Variants in CSRNP3 observed in about 807,000 individuals in gnomAD.
The protein encoded by CSRNP3 is cysteine and serine rich nuclear protein 3.
In CSRNP3, 12 loss-of-function variants were observed where a neutral mutation model predicts 48.0. The observed-to-expected ratio is 0.25, with a 90% CI of 0.16 to 0.41. CSRNP3 has a LOEUF of 0.41. CSRNP3 is among the 10% of genes least tolerant of loss of function. CSRNP3 has a pLI of 1.00. For missense variants in CSRNP3, 580 were observed against 724.4 expected, an observed-to-expected ratio of 0.80 and a Z score of 2.29; for synonymous variants, 263 against 269.7, an observed-to-expected ratio of 0.98 and a Z score of 0.24.
At chr2:165,666,124 AG>A (rs1687191947) in intron 5 of CSRNP3, among the ~76,000 whole-genome samples, 1 of 97,024 alleles carries the variant, frequency 1.0e-5, no homozygotes, top group African/African-American at 3.4e-5. Context: ...AGAGAGAGAA[AG>A]GAAGGAAGGA....
intron 3 of CSRNP3, among the ~76,000 whole-genome samples, chr2:165,547,507 T>G (rs1685046914): frequency 6.6e-6 from 1 of 152,126 alleles, no homozygotes; most frequent in South Asian, 2.1e-4. Context: ...TGGGTTTCAA[T>G]TCACGTTTCC....
At chr2:165,535,183 C>T (rs1684865392) in intron 3 of CSRNP3, among the ~76,000 whole-genome samples, 1 of 151,700 alleles carries the variant, frequency 6.6e-6, no homozygotes, top group South Asian at 2.1e-4. Context: ...AAATATGACT[C>T]ATCCTTAGGA....
At chr2:165,541,393 T>C (rs1684955710) in intron 3 of CSRNP3, among the ~76,000 whole-genome samples, 1 of 152,076 alleles carries the variant, frequency 6.6e-6, no homozygotes, top group Admixed American at 6.6e-5. Flanking sequence ...TCCTGAGCAC[T>C]ACAGAGGTCG....
intron 1 of CSRNP3, among the ~76,000 whole-genome samples, chr2:165,473,487 A>G (rs1342465538): frequency 1.3e-5 from 2 of 152,136 alleles, no homozygotes; most frequent in Non-Finnish European, 2.9e-5. Context: ...AAACTAATCC[A>G]GTCAAATGAA....
chr2:165,615,474 C>A (rs1175362211), intron 4 of CSRNP3, among the ~76,000 whole-genome samples: 1 of 150,896 alleles, frequency 6.6e-6, no homozygotes, highest in Non-Finnish European at 1.5e-5. Context: ...ACCCGGGAGG[C>A]AGAGCTTGCA....
At chr2:165,491,038 G>A (rs200802495) in intron 1 of CSRNP3, among the ~76,000 whole-genome samples, 10,732 of 120,980 alleles carry the variant, frequency 0.089, 484 homozygotes, top group East Asian at 0.19. Context: ...GAAAATTTTC[G>A]CAACCTACTC....
intron 2 of CSRNP3, among the ~76,000 whole-genome samples, chr2:165,514,753 T>A (rs1178673940): frequency 6.6e-6 from 1 of 152,098 alleles, no homozygotes; most frequent in East Asian, 1.9e-4. Flanking sequence ...CCTTAAACAT[T>A]TTTTTAGAGG....
At chr2:165,612,401 A>G (rs1314748153) in intron 4 of CSRNP3, among the ~76,000 whole-genome samples, 1 of 152,056 alleles carries the variant, frequency 6.6e-6, no homozygotes, top group African/African-American at 2.4e-5. Flanking sequence ...TGGACTAGAA[A>G]TGATCATTTC....
rs1044891027 is a variant in CSRNP3 at position 165,682,467 on chromosome 2, C to T, written c.*2714C>T. On this transcript the variant is annotated 3_prime_UTR_variant, in exon 7 of 7. Coordinates refer to ENST00000651982, the MANE Select transcript of CSRNP3 (RefSeq NM_001172173.2). ...CATGCACACACATACAAAATATATA[C>T]ATATCACACACTTAGAGAATGACAG... The T allele has an allele frequency of 6.6e-6, 1 of 151,974 alleles. No individual in the cohort carries two copies. Among genetic ancestry groups the T allele is most frequent in the Admixed American group, 6.6e-5 (1 of 15,224 alleles). 9.4% of individuals were successfully genotyped at this position (151,974 alleles called of 1,614,324 possible).
intron 1 of CSRNP3, among the ~76,000 whole-genome samples, chr2:165,491,965 A>C (rs183150526): frequency 5.6e-4 from 85 of 150,460 alleles, no homozygotes; most frequent in Middle Eastern, 3.4e-3. Context: ...AAAAAAAAAA[A>C]AACAAAGCTA....
chr2:165,471,807 C>A (rs1683897444), intron 1 of CSRNP3, among the ~76,000 whole-genome samples: 1 of 151,390 alleles, frequency 6.6e-6, no homozygotes, highest in Non-Finnish European at 1.5e-5. Flanking sequence ...ACTGCAGAGT[C>A]CACAGGAAGA....
chr2:165,541,853 CA>C (rs1033178999), intron 3 of CSRNP3, among the ~76,000 whole-genome samples: 6 of 152,092 alleles, frequency 3.9e-5, no homozygotes, highest in Non-Finnish European at 8.8e-5. Context: ...ATGGGGTATA[CA>C]GCCAACAATT....
chr2:165,682,127 C>T lies in CSRNP3; in HGVS notation c.*2374C>T, dbSNP rs1687558244. The T allele has an allele frequency of 6.6e-6, 1 of 151,896 alleles. No individual in the cohort carries two copies. Among genetic ancestry groups the T allele is most frequent in the Non-Finnish European group, 1.5e-5 (1 of 67,976 alleles). 9.4% of individuals were successfully genotyped at this position (151,896 alleles called of 1,614,324 possible). On this transcript the variant is annotated 3_prime_UTR_variant, in exon 7 of 7. Coordinates refer to ENST00000651982, the MANE Select transcript of CSRNP3 (RefSeq NM_001172173.2). ...CAAAGCTGAAGGGTAGAATGACAGT[C>T]CAGTTTCTGAAAAGAGATATTTTAA... is the stretch of plus-strand genomic sequence containing the variant.
chr2:165,643,191 C>T (rs972333160), intron 4 of CSRNP3, among the ~76,000 whole-genome samples: 14 of 152,094 alleles, frequency 9.2e-5, no homozygotes, highest in African/African-American at 3.4e-4. Flanking sequence ...AAAAATAAAC[C>T]AAAACGCTGT....
intron 4 of CSRNP3, among the ~76,000 whole-genome samples, chr2:165,605,976 C>T (rs543527031): frequency 7.2e-5 from 11 of 151,984 alleles, no homozygotes; most frequent in East Asian, 3.9e-4. Context: ...TGGTATGTGA[C>T]GGAGGAGACA....
intron 3 of CSRNP3, among the ~76,000 whole-genome samples, chr2:165,573,719 T>A (rs1365892788): frequency 2.0e-5 from 3 of 152,194 alleles, no homozygotes; most frequent in Admixed American, 2.0e-4. Context: ...ACAGAATTAC[T>A]ATAGTGACCT....
At chr2:165,565,576 A>G (rs1685286877) in intron 3 of CSRNP3, among the ~76,000 whole-genome samples, 1 of 152,050 alleles carries the variant, frequency 6.6e-6, no homozygotes, top group Non-Finnish European at 1.5e-5. Context: ...GGTTTCATGT[A>G]ATAGTGCTCT....
intron 4 of CSRNP3, among the ~76,000 whole-genome samples, chr2:165,620,909 C>T (rs1398123404): frequency 6.6e-6 from 1 of 151,932 alleles, no homozygotes; most frequent in Non-Finnish European, 1.5e-5. Flanking sequence ...CATTTTTATC[C>T]TTATATATTA....
At chr2:165,671,249 T>C (rs1687323521) in intron 5 of CSRNP3, among the ~76,000 whole-genome samples, 1 of 152,152 alleles carries the variant, frequency 6.6e-6, no homozygotes, top group African/African-American at 2.4e-5. Flanking sequence ...AATGATTCTA[T>C]TTGAGATAGA....
Sources: gnomAD v4.1 joint callset for allele counts (sites outside exome capture counted in the v4.1 genomes callset) on GRCh38, gnomAD v4.1.1 for gene constraint, MANE v1.5 for transcripts, NCBI Gene and HGNC (gene_info 2026-07-23, HGNC 2026-07-21) for gene names.